Variants in DGLUCY observed in about 807,000 individuals in gnomAD.
DGLUCY encodes D-glutamate cyclase, mitochondrial.
A neutral mutation model predicts 58.5 loss-of-function variants in DGLUCY; 58 were observed. The ratio of observed to expected loss-of-function variants is 0.99; its 90% CI spans 0.80 to 1.23. DGLUCY has a LOEUF of 1.23. DGLUCY is among the 50% of genes most tolerant of loss of function. The pLI is 0.00. For missense variants in DGLUCY, 779 were observed against 784.7 expected (o/e 0.99, Z 0.09); for synonymous variants, 325 against 314.1 (o/e 1.03, Z -0.37).
rs760820803 is a variant in DGLUCY, at chr14:91,181,377, G to A, written c.922G>A (p.Gly308Ser). Reference protein sequence around the residue: ...QKIRELESMIGIDPGNRGIGH... With the variant: ...QKIRELESMISIDPGNRGIGH... ...GATCAGAGAACTAGAGTCTATGATC[G>A]GCATAGACCCAGGTAAGAAACAACA... is the stretch of plus-strand genomic sequence containing the variant. Residue 308 changes from glycine to serine, a missense_variant, in exon 8 of 14, where the codon GGC becomes AGC. Gly to Ser is a moderately conservative substitution (Grantham distance 56). Transcript: ENST00000256324. 1.4e-5 allele frequency: 23 copies of A among 1,612,860 alleles called. No homozygotes were observed. The highest frequency in any genetic ancestry group is 6.7e-5 in the African/African-American group (5 of 74,752).
chr14:91,165,299 A>G (rs1246671193), intron 3 of DGLUCY: 1 of 456,076 alleles, frequency 2.2e-6, no homozygotes, highest in Non-Finnish European at 4.4e-6. Context: ...CGAGGTGCTC[A>G]ATAACTTACA....
chr14:91,146,439 T>C (rs1004467572), intron 1 of DGLUCY, among the ~76,000 whole-genome samples: 4 of 152,200 alleles, frequency 2.6e-5, no homozygotes, highest in Non-Finnish European at 5.9e-5. Context: ...CGCAGGTCCT[T>C]CCTCGGGGCA....
At chr14:91,060,573 T>A in exon 1 of DGLUCY, 3 of 1,096,120 alleles carry the variant, frequency 2.7e-6, no homozygotes, top group Non-Finnish European at 2.3e-6. Flanking sequence ...AAGACGAGTC[T>A]CTTTCCCGCT....
intron 11 of DGLUCY, among the ~76,000 whole-genome samples, chr14:91,203,791 C>G (rs1946640936): frequency 6.6e-6 from 1 of 152,046 alleles, no homozygotes; most frequent in African/African-American, 2.4e-5. Flanking sequence ...ATTCTCCTGG[C>G]TCAGCCTCCA....
At chr14:91,074,161 A>T (rs943603925) in intron 1 of DGLUCY, among the ~76,000 whole-genome samples, 3 of 128,632 alleles carry the variant, frequency 2.3e-5, no homozygotes, top group Non-Finnish European at 3.3e-5. Context: ...ACACACACAC[A>T]GTCAAGCACC....
intron 1 of DGLUCY, among the ~76,000 whole-genome samples, chr14:91,130,047 A>G (rs2045943749): frequency 6.6e-6 from 1 of 152,172 alleles, no homozygotes; most frequent in Non-Finnish European, 1.5e-5. Flanking sequence ...CCCACATTGC[A>G]TGTACTGTTT....
intron 2 of DGLUCY, among the ~76,000 whole-genome samples, chr14:91,158,479 A>G (rs1300778560): frequency 6.6e-6 from 1 of 152,222 alleles, no homozygotes; most frequent in Non-Finnish European, 1.5e-5. Flanking sequence ...GATTTCATGT[A>G]ATCTCAAATT....
In DGLUCY at chr14:91,181,311, C is replaced by T; in HGVS notation, c.856C>T (p.Pro286Ser). 6.2e-7 allele frequency: 1 copy of T among 1,614,184 alleles called. No homozygotes were observed. The highest frequency in any genetic ancestry group is 8.5e-7 in the Non-Finnish European group (1 of 1,180,036). ...IPEVHHISQD[P>S]LHYSIASVSA... ...AGAGGTCCATCACATTTCCCAAGAT[C>T]CTCTGCACTACAGCATCGCGTCAGT... Residue 286 changes from proline (P) to serine (S), a missense_variant, in exon 8 of 14, where the codon CCT (proline) becomes TCT (serine). Pro to Ser is a moderately conservative substitution (Grantham distance 74). Transcript: ENST00000256324.
intron 1 of DGLUCY, among the ~76,000 whole-genome samples, chr14:91,101,684 G>A (rs2044489569): frequency 6.6e-6 from 1 of 152,196 alleles, no homozygotes; most frequent in Non-Finnish European, 1.5e-5. Flanking sequence ...GATCAATGGG[G>A]TAACTATACT....
At chr14:91,191,379 A>G (rs2049882783) in intron 9 of DGLUCY, among the ~76,000 whole-genome samples, 1 of 152,138 alleles carries the variant, frequency 6.6e-6, no homozygotes, top group African/African-American at 2.4e-5. Context: ...AATGGGGGTG[A>G]TGGTTGCACA....
Position 91,200,037 on chromosome 14 carries a change from C to A in DGLUCY, c.1444+132C>A, listed in dbSNP as rs2050458627. 68 of 1,147,974 alleles carry A rather than the reference C, an allele frequency of 5.9e-5. 1 individual carries two copies. In the South Asian group the frequency reaches 9.1e-4, roughly 15 times the overall value. The allele number at this position is 1,147,974 out of a possible 1,614,324, so 71.1% of individuals were successfully genotyped here. A position where few individuals can be genotyped will look rare whatever the true frequency, so the allele number is the denominator to read the frequency against. On this transcript the variant is annotated intron_variant, in intron 11 of 13. Transcript: ENST00000256324. ...TGGCACGATCTTGGCTCACTGCAACCTCTGCCTCCTGGGTTCGAGCAATTC... is the reference window on the plus strand; with the variant it reads ...TGGCACGATCTTGGCTCACTGCAACATCTGCCTCCTGGGTTCGAGCAATTC...
chr14:91,195,831 G>T (rs747101066), intron 9 of DGLUCY, among the ~76,000 whole-genome samples: 1 of 151,782 alleles, frequency 6.6e-6, no homozygotes, highest in Non-Finnish European at 1.5e-5. Context: ...CCATCACGCC[G>T]GGCTAATTTT....
intron 13 of DGLUCY, among the ~76,000 whole-genome samples, chr14:91,219,463 T>C (rs1238160868): frequency 6.6e-6 from 1 of 152,132 alleles, no homozygotes; most frequent in Non-Finnish European, 1.5e-5. Context: ...TACGTGGGGG[T>C]CCTTGAGTCA....
At position 91,062,612 on chromosome 14, in the gene DGLUCY, A is replaced by ATATAT. The variant is rs1566925850; in HGVS notation, c.-82+1908_-82+1909insTATAT. 1.0e-3 allele frequency among the ~76,000 whole-genome samples: 30 copies of ATATAT among 28,682 alleles called. 4 individuals carry two copies. Among genetic ancestry groups the ATATAT allele is most frequent in the East Asian group, 5.5e-3 (4 of 726 alleles). 18.8% of individuals were successfully genotyped at this position (28,682 alleles called of 152,430 possible). ...ATATATATATATATATATATATATA[A>ATATAT]ACAATCCTTAGCTCAAGGGCAGTTA... On this transcript the variant is annotated intron_variant, in intron 1 of 4. Transcript: ENST00000521334.
chr14:91,107,185 G>A (rs2044607274), upstream of DGLUCY, among the ~76,000 whole-genome samples: 1 of 152,092 alleles, frequency 6.6e-6, no homozygotes, highest in Non-Finnish European at 1.5e-5. Flanking sequence ...AACATGTAAT[G>A]TTCTTATATG....
chr14:91,066,841 G>A (rs2043829948), intron 1 of DGLUCY, among the ~76,000 whole-genome samples: 1 of 152,044 alleles, frequency 6.6e-6, no homozygotes, highest in Non-Finnish European at 1.5e-5. Flanking sequence ...AGCACTCTGG[G>A]AGGCCGAGGC....
At chr14:91,092,749 C>A (rs191167113) in intron 1 of DGLUCY, among the ~76,000 whole-genome samples, 1 of 152,262 alleles carries the variant, frequency 6.6e-6, no homozygotes, top group East Asian at 1.9e-4. Context: ...AGTACCTAAT[C>A]CAGACATCTC....
intron 1 of DGLUCY, among the ~76,000 whole-genome samples, chr14:91,067,982 T>C (rs905010488): frequency 3.3e-5 from 5 of 152,006 alleles, no homozygotes; most frequent in African/African-American, 1.2e-4. Flanking sequence ...TCACACTTAC[T>C]GAAGACACCC....
At chr14:91,106,827 G>A (rs1225390321), upstream of DGLUCY, among the ~76,000 whole-genome samples, 2 of 152,134 alleles carry the variant, frequency 1.3e-5, no homozygotes, top group Non-Finnish European at 2.9e-5. Flanking sequence ...GTAATGAAGT[G>A]TCTGCTTCCC....
Sources: gnomAD v4.1 joint callset for allele counts (sites outside exome capture counted in the v4.1 genomes callset) on GRCh38, gnomAD v4.1.1 for gene constraint, MANE v1.5 for transcripts, NCBI Gene and HGNC (gene_info 2026-07-23, HGNC 2026-07-21) for gene names.